Variants in SBNO2 observed in about 807,000 individuals in gnomAD.
SBNO2 encodes strawberry notch homolog 2, also known as protein strawberry notch homolog 2.
Under a neutral mutation model 146.3 loss-of-function variants are expected in SBNO2, and 89 were observed. That is an observed-to-expected ratio of 0.61 (90% CI 0.51 to 0.73). The LOEUF is 0.73. Ranked by LOEUF, SBNO2 falls within the 30% of genes least tolerant of loss-of-function variation. The pLI is 0.00. For synonymous variants in SBNO2, 1,147 were observed against 892.6 expected, an observed-to-expected ratio of 1.29 and a Z score of -5.08; for missense variants, 2,092 against 2,003.7, an observed-to-expected ratio of 1.04 and a Z score of -0.84.
intron 5 of SBNO2, 154 bp from the exon 6 acceptor site, chr19:1,124,176 T>C: frequency 1.4e-6 from 1 of 721,664 alleles, no homozygotes; most frequent in Admixed American, 2.6e-5. Flanking sequence ...TCTCCTGCTG[T>C]TCTCAGGGTG....
chr19:1,167,037 C>A (rs1036852987), intron 1 of SBNO2, among the ~76,000 whole-genome samples: 6 of 152,246 alleles, frequency 3.9e-5, no homozygotes, highest in Non-Finnish European at 8.8e-5. Flanking sequence ...TGCATCCGAG[C>A]CCTGAGGGCA....
rs958394722 is a variant in SBNO2, at chr19:1,168,402, C to G, written c.-127+5770G>C. ...CCCCAGCGCCCAGCTGAGTGAGACCCACCCGGTAGCTTCCGGGGCTGGGCC... is the reference window on the plus strand; with the variant it reads ...CCCCAGCGCCCAGCTGAGTGAGACCGACCCGGTAGCTTCCGGGGCTGGGCC... On this transcript the variant is annotated intron_variant, in intron 1 of 31. Coordinates refer to ENST00000361757, the MANE Select transcript of SBNO2 (RefSeq NM_014963.3). Among the ~76,000 whole-genome samples the G allele has an allele frequency of 5.3e-5, 8 of 152,138 alleles. No individual in the cohort carries two copies. The South Asian group carries it at 1.2e-3, about 24-fold the overall frequency.
At position 1,136,933 on chromosome 19, in the gene SBNO2, G is replaced by A. The variant is rs1448626233; in HGVS notation, c.280-9168C>T. Among the ~76,000 whole-genome samples the A allele has an allele frequency of 5.9e-5, 9 of 151,816 alleles. No homozygotes were observed. Among genetic ancestry groups the A allele is most frequent in the Middle Eastern group, 3.2e-3 (1 of 316 alleles). ...CCATGGGGACCCGGGATGGATGCCC[G>A]GCAGGTGGAGAGGTCCTCACAGGAC... On this transcript the variant is annotated intron_variant, in intron 4 of 31. Coordinates refer to ENST00000361757, the MANE Select transcript of SBNO2 (RefSeq NM_014963.3). The surrounding 1 kb of genome is among the most constrained non-coding windows in gnomAD (Gnocchi z 4.2).
rs916129220 is a variant in SBNO2 at position 1,110,584 on chromosome 19, G to A, written c.3028+161C>T. The A allele has an allele frequency of 2.5e-5, 20 of 798,938 alleles. No individual in the cohort carries two copies. The highest frequency in any genetic ancestry group is 2.3e-4 in the Admixed American group (6 of 26,450). The allele number at this position is 798,938 out of a possible 1,614,324, so 49.5% of individuals were successfully genotyped here. A position where few individuals can be genotyped will look rare whatever the true frequency, so the allele number is the denominator to read the frequency against. On this transcript the variant is annotated intron_variant, in intron 26 of 31. Coordinates refer to ENST00000361757, the MANE Select transcript of SBNO2 (RefSeq NM_014963.3). This position sits in a 1 kb window ranked among gnomAD's most constrained non-coding sequence, Gnocchi z 4.9. ...CACCTGGGATGCCCGGCGTTCCCAC[G>A]AGCCCCTCGCCCACCCGGGATGCAC...
At chr19:1,153,580 C>G (rs1285981137) in intron 2 of SBNO2, among the ~76,000 whole-genome samples, 4 of 151,996 alleles carry the variant, frequency 2.6e-5, no homozygotes, top group South Asian at 4.1e-4. Flanking sequence ...TCTTGTCGCC[C>G]AGGCTAGAGT....
At chr19:1,162,225 C>A in intron 1 of SBNO2, among the ~76,000 whole-genome samples, 1 of 134,822 alleles carries the variant, frequency 7.4e-6, no homozygotes, top group Non-Finnish European at 1.6e-5. Context: ...TTTGGGAGGC[C>A]AAGGCGGGTG....
At chr19:1,170,051 G>C (rs2080462870) in intron 1 of SBNO2, among the ~76,000 whole-genome samples, 1 of 152,216 alleles carries the variant, frequency 6.6e-6, no homozygotes. Flanking sequence ...CACGTCACAT[G>C]AACGGAGTCA....
intron 24 of SBNO2, 102 bp from the exon 25 acceptor site, chr19:1,111,195 G>A (rs927620847): frequency 7.5e-7 from 1 of 1,334,238 alleles, no homozygotes; most frequent in Non-Finnish European, 1.0e-6. Context: ...GGGGGGCTGG[G>A]GAGCAGCTGC....
chr19:1,156,343 T>C (rs1436415378), intron 1 of SBNO2, among the ~76,000 whole-genome samples: 1 of 151,938 alleles, frequency 6.6e-6, no homozygotes, highest in Non-Finnish European at 1.5e-5. Flanking sequence ...TGGCAGGGTG[T>C]GGAGACCTGG....
At chr19:1,127,850 C>T in intron 4 of SBNO2, 85 bp from the exon 5 acceptor site, 2 of 1,278,408 alleles carry the variant, frequency 1.6e-6, no homozygotes, top group Non-Finnish European at 2.2e-6. Context: ...GGATGGGAGA[C>T]ACCACGGCCC....
intron 4 of SBNO2, chr19:1,132,250 C>G: frequency 7.6e-7 from 1 of 1,309,858 alleles, no homozygotes; most frequent in Middle Eastern, 2.5e-4. Flanking sequence ...GGGGGCGGCT[C>G]TCCGCCCGGC....
intron 1 of SBNO2, among the ~76,000 whole-genome samples, chr19:1,167,947 C>G (rs1451468184): frequency 6.6e-6 from 1 of 152,152 alleles, no homozygotes; most frequent in Admixed American, 6.5e-5. Context: ...GTATCCCCCT[C>G]TCAGTGTAAC....
In SBNO2 at chr19:1,154,336, G is replaced by A. The variant is rs1278878604; in HGVS notation, c.-60C>T. 7.5e-6 allele frequency: 7 copies of A among 929,722 alleles called. No homozygotes were observed. The highest frequency in any genetic ancestry group is 1.7e-5 in the African/African-American group (1 of 58,442). The allele number at this position is 929,722 out of a possible 1,614,324, so 57.6% of individuals were successfully genotyped here. ...AGCAGGCGGCGGGACTCCAGGACCC[G>A]GGGCCGCCGGGGCGTCTATCTGGGC... On this transcript the variant is annotated 5_prime_UTR_variant, in exon 2 of 32. Transcript: ENST00000361757.
At position 1,145,989 on chromosome 19, in the gene SBNO2, C is replaced by T. The variant is rs546367919; in HGVS notation, c.279+1320G>A. Among the ~76,000 whole-genome samples, 4 of 152,192 alleles carry T rather than the reference C, an allele frequency of 2.6e-5. No homozygotes were observed. In the South Asian group the frequency reaches 8.3e-4, roughly 32 times the overall value. ...AGTCTGAGGCCAAGGTGTCTCAGGGCCTTGCTCCCTCCCACAGCTCTGACC... is the reference window on the plus strand; with the variant it reads ...AGTCTGAGGCCAAGGTGTCTCAGGGTCTTGCTCCCTCCCACAGCTCTGACC... On this transcript the variant is annotated intron_variant, in intron 4 of 31. Transcript: ENST00000361757.
At position 1,108,866 on chromosome 19, in the gene SBNO2, G is replaced by C. The variant is rs371421677; in HGVS notation, c.3529C>G (p.Arg1177Gly). 4 of 1,594,298 alleles carry C rather than the reference G, an allele frequency of 2.5e-6. No homozygotes were observed. The highest frequency in any genetic ancestry group is 2.5e-6 in the Non-Finnish European group (3 of 1,176,788). The part of the protein sequence containing the change: ...LCGALLRVWG[R>G]IAAVMADVSS... ...ACGTCGGCCATGACGGCGGCGATGCGGCCCCACACGCGCAGCAGCGCGCCG... is the reference window on the plus strand; with the variant it reads ...ACGTCGGCCATGACGGCGGCGATGCCGCCCCACACGCGCAGCAGCGCGCCG... The change falls in exon 31 of 32, where the codon CGC (arginine) becomes GGC (glycine). Residue 1177 changes from arginine to glycine, a missense_variant. Transcript: ENST00000361757.
At chr19:1,153,663 G>C (rs543443001) in intron 2 of SBNO2, among the ~76,000 whole-genome samples, 1 of 151,246 alleles carries the variant, frequency 6.6e-6, no homozygotes, top group Non-Finnish European at 1.5e-5. Context: ...TCAGCCTCCC[G>C]AGTAGCTGGG....
At chr19:1,141,476 A>G (rs910896671) in intron 4 of SBNO2, among the ~76,000 whole-genome samples, 2 of 152,044 alleles carry the variant, frequency 1.3e-5, no homozygotes, top group African/African-American at 4.8e-5. Context: ...TGGCCCCCCA[A>G]AGTGCTGGGG....
chr19:1,108,820 T>G lies in SBNO2; in HGVS notation c.3575A>C (p.Gln1192Pro). Residue 1192 changes from glutamine (Q) to proline (P), a missense_variant, in exon 31 of 32, where the codon CAG becomes CCG. By Grantham distance (76) the Gln-to-Pro change is moderately conservative. Transcript: ENST00000361757. ...GTCCTTGGTCTTCAGCCGCACGATC[T>G]GCAGGTAGCTGCTGCTGCTGACGTC... is the stretch of plus-strand genomic sequence containing the variant. ...MADVSSSSYL[Q>P]IVRLKTKDRK... The G allele has an allele frequency of 1.2e-6, 2 of 1,602,760 alleles. No homozygotes were observed. The highest frequency in any genetic ancestry group is 8.5e-7 in the Non-Finnish European group (1 of 1,178,996).
In SBNO2 at chr19:1,117,537, CT is replaced by C. The variant is rs774445856; in HGVS notation, c.1528-39del. ...GTCACAAGGCGCCCCTGAGCTGTGG[CT>C]CCTGGCTCCCGACCCGGGCCCCGGC... is the stretch of plus-strand genomic sequence containing the variant. On this transcript the variant is annotated intron_variant, in intron 14 of 31. Coordinates refer to ENST00000361757, the MANE Select transcript of SBNO2 (RefSeq NM_014963.3). 2.0e-6 allele frequency: 3 copies of C among 1,524,408 alleles called. No homozygotes were observed. The South Asian group carries it at 3.7e-5, about 19-fold the overall frequency. The allele number at this position is 1,524,408 out of a possible 1,614,324, so 94.4% of individuals were successfully genotyped here.
Sources: gnomAD v4.1 joint callset for allele counts (sites outside exome capture counted in the v4.1 genomes callset) on GRCh38, gnomAD v4.1.1 for gene constraint, Gnocchi (gnomAD v3.1) non-coding constraint, MANE v1.5 for transcripts, NCBI Gene and HGNC (gene_info 2026-07-23, HGNC 2026-07-21) for gene names.